KNTC1: variants seen among roughly 807,000 people sequenced by gnomAD.
KNTC1 encodes the protein kinetochore-associated protein 1.
A neutral mutation model predicts 314.4 loss-of-function variants in KNTC1; 253 were observed. The observed-to-expected ratio is 0.80, with a 90% confidence interval of 0.73 to 0.89. KNTC1 has a LOEUF of 0.89. KNTC1 is among the 40% of genes least tolerant of loss of function. KNTC1 has a pLI of 0.00. For synonymous variants in KNTC1, 901 were observed against 901.4 expected (o/e 1.00, Z 0.01); for missense variants, 2,475 against 2,572.9 (o/e 0.96, Z 0.82).
intron 53 of KNTC1, chr12:122,612,863 C>A: frequency 2.2e-6 from 1 of 445,178 alleles, no homozygotes; most frequent in Non-Finnish European, 4.0e-6. Context: ...AGTGTAAAGG[C>A]AAATAACATC....
chr12:122,599,309 G>T, intron 44 of KNTC1, among the ~76,000 whole-genome samples: 1 of 151,592 alleles, frequency 6.6e-6, no homozygotes, highest in East Asian at 1.9e-4. Context: ...GAATTGGAAT[G>T]TTTGGTCAGG....
chr12:122,531,060 T>A (rs1022293294), intron 2 of KNTC1, among the ~76,000 whole-genome samples: 1 of 151,570 alleles, frequency 6.6e-6, no homozygotes, highest in African/African-American at 2.4e-5. Context: ...TTTTTTTTTT[T>A]AATAAAAGAA....
intron 16 of KNTC1, among the ~76,000 whole-genome samples, chr12:122,556,034 A>G (rs1286562833): frequency 1.3e-5 from 2 of 150,800 alleles, no homozygotes; most frequent in Non-Finnish European, 3.0e-5. Context: ...TTTTTTTGAG[A>G]TAGAGTGTTG....
intron 22 of KNTC1, 126 bp from the exon 23 acceptor site, chr12:122,570,747 AAAG>A: frequency 1.5e-6 from 1 of 678,232 alleles, no homozygotes; most frequent in Non-Finnish European, 2.5e-6. Context: ...CACAAGCAAA[AAAG>A]ACAATCGTGG....
intron 1 of KNTC1, among the ~76,000 whole-genome samples, chr12:122,528,559 A>G (rs974200466): frequency 1.3e-5 from 2 of 152,200 alleles, no homozygotes; most frequent in African/African-American, 4.8e-5. Flanking sequence ...AAAAACCAGA[A>G]GTGAAAAATA....
intron 51 of KNTC1, among the ~76,000 whole-genome samples, chr12:122,608,893 T>A (rs1407216338): frequency 6.6e-6 from 1 of 151,988 alleles, no homozygotes; most frequent in Non-Finnish European, 1.5e-5. Context: ...CCCCCATCTC[T>A]ACAAAAATTT....
chr12:122,529,026 T>A (rs898525281), intron 1 of KNTC1, among the ~76,000 whole-genome samples: 3 of 152,030 alleles, frequency 2.0e-5, no homozygotes, highest in African/African-American at 7.2e-5. Context: ...GTGTTTTTAG[T>A]AGAGAGGGGG....
chr12:122,539,136 C>T (rs1962082316), intron 4 of KNTC1, among the ~76,000 whole-genome samples: 1 of 152,082 alleles, frequency 6.6e-6, no homozygotes, highest in Non-Finnish European at 1.5e-5. Context: ...TGGTTAGGTT[C>T]TTGTATGGTT....
In KNTC1 at chr12:122,577,753, C is replaced by T. The variant is rs371376144; in HGVS notation, c.2803C>T (p.Arg935Ter). The change falls in exon 31 of 64, where the codon CGA (arginine) becomes TGA (stop). Residue 935 changes from arginine (R) to a stop codon, truncating the protein, a stop_gained. Coordinates refer to ENST00000333479, the MANE Select transcript of KNTC1 (RefSeq NM_014708.6). LOFTEE classifies it high-confidence loss of function. ...TGCAGAAAGAGTCATCATATGGGCACGACTGGCATTACAAGAAGAGCCAGA... is the reference window on the plus strand; with the variant it reads ...TGCAGAAAGAGTCATCATATGGGCATGACTGGCATTACAAGAAGAGCCAGA... ...KTAERVIIWA[R>*]LALQEEPDHS... The T allele has an allele frequency of 1.4e-5, 22 of 1,613,432 alleles. No individual in the cohort carries two copies. The highest frequency in any genetic ancestry group is 3.3e-5 in the South Asian group (3 of 91,016).
intron 1 of KNTC1, among the ~76,000 whole-genome samples, chr12:122,529,035 G>C (rs1961084579): frequency 6.6e-6 from 1 of 151,964 alleles, no homozygotes; most frequent in African/African-American, 2.4e-5. Flanking sequence ...GTAGAGAGGG[G>C]GTTTCGTCAT....
intron 3 of KNTC1, among the ~76,000 whole-genome samples, chr12:122,537,942 G>A (rs1961971949): frequency 6.6e-6 from 1 of 151,596 alleles, no homozygotes; most frequent in South Asian, 2.1e-4. Context: ...AGACCAGTCT[G>A]GGTAACATGG....
At chr12:122,605,113 G>T (rs1380138537) in intron 50 of KNTC1, 26 bp downstream of exon 50, 1 of 1,569,046 alleles carries the variant, frequency 6.4e-7, no homozygotes, top group Non-Finnish European at 8.7e-7. Context: ...TTTTTTTGTT[G>T]TCCAAGAAAA....
At chr12:122,608,143 A>T (rs1317033303) in intron 51 of KNTC1, among the ~76,000 whole-genome samples, 1 of 152,154 alleles carries the variant, frequency 6.6e-6, no homozygotes, top group African/African-American at 2.4e-5. Flanking sequence ...ATAGGGTCTC[A>T]TTCAGCCACC....
intron 42 of KNTC1, among the ~76,000 whole-genome samples, chr12:122,592,449 C>G (rs1870389462): frequency 6.6e-6 from 1 of 152,218 alleles, no homozygotes; most frequent in Non-Finnish European, 1.5e-5. Context: ...ACCTGCAGCC[C>G]TTGGTGCGGG....
At chr12:122,562,779 G>C in intron 20 of KNTC1, 80 bp downstream of exon 20, 1 of 808,510 alleles carries the variant, frequency 1.2e-6, no homozygotes, top group Non-Finnish European at 2.1e-6. Context: ...GGAGGCTGAG[G>C]TGGGCAGATC....
At chr12:122,560,430 G>A (rs1208563730) in intron 18 of KNTC1, among the ~76,000 whole-genome samples, 5 of 152,060 alleles carry the variant, frequency 3.3e-5, no homozygotes, top group Admixed American at 6.6e-5. Flanking sequence ...GTGCAATGGC[G>A]TGATCTTGGC....
At position 122,613,219 on chromosome 12, in the gene KNTC1, T is replaced by C. The variant is rs1179689223; in HGVS notation, c.5730T>C (p.Ile1910=). ...ETIESLFKKP[I]EEVKSYLRCI... is the part of the protein sequence containing the mutation. Reference sequence around the variant, plus strand: ...TAGAATCTCTCTTTAAAAAACCCATTGAAGAAGTGAAGTAAGTAGAAATGT... The same window carrying C: ...TAGAATCTCTCTTTAAAAAACCCATCGAAGAAGTGAAGTAAGTAGAAATGT... The change falls in exon 54 of 64, where the codon ATT becomes ATC. Residue 1910 remains isoleucine (I), a synonymous_variant. Coordinates refer to ENST00000333479, the MANE Select transcript of KNTC1 (RefSeq NM_014708.6). 15 of 1,558,386 alleles carry C rather than the reference T, an allele frequency of 9.6e-6. No homozygotes were observed. In the Admixed American group the frequency reaches 1.0e-4, roughly 10 times the overall value.
chr12:122,597,843 C>T lies in KNTC1; in HGVS notation c.4468C>T (p.Arg1490Trp), dbSNP rs369923772. The change falls in exon 44 of 64, where the codon CGG (arginine) becomes TGG (tryptophan). Residue 1490 changes from arginine to tryptophan, a missense_variant. By Grantham distance (101) the Arg-to-Trp change is moderately radical. Coordinates refer to ENST00000333479, the MANE Select transcript of KNTC1 (RefSeq NM_014708.6). ...GDASMDSAKRRHPKLLAKALE... is the reference protein window; with the variant it reads ...GDASMDSAKRWHPKLLAKALE... Reference sequence around the variant, plus strand: ...TGCAAGCATGGACTCTGCAAAGCGGCGGCATCCCAAACTCCTGGCCAAAGC... The same window carrying T: ...TGCAAGCATGGACTCTGCAAAGCGGTGGCATCCCAAACTCCTGGCCAAAGC... 32 of 1,613,892 alleles carry T rather than the reference C, an allele frequency of 2.0e-5. No homozygotes were observed. Among genetic ancestry groups the T allele is most frequent in the South Asian group, 1.6e-4 (15 of 91,092 alleles).
At chr12:122,620,665 T>G (rs1436867674) in intron 60 of KNTC1, 57 bp downstream of exon 60, 1 of 1,570,290 alleles carries the variant, frequency 6.4e-7, no homozygotes, top group Non-Finnish European at 8.7e-7. Flanking sequence ...TCATCTTGCA[T>G]GTCCCTTGCA....
Sources: allele counts gnomAD v4.1 joint callset (sites outside exome capture counted in the v4.1 genomes callset), GRCh38; gene constraint gnomAD v4.1.1; transcripts MANE v1.5; gene names NCBI Gene and HGNC (gene_info 2026-07-23, HGNC 2026-07-21).